The following DTNB variants were observed in gnomAD, a reference collection of about 807,000 sequenced individuals.
DTNB encodes the protein DTN-B.
DTNB carries 63 observed loss-of-function variants against 90.7 expected under a neutral mutation model. The observed-to-expected ratio is 0.69, with a 90% CI of 0.57 to 0.86. The LOEUF (loss-of-function observed/expected upper bound fraction) is 0.86, where lower values mean the gene tolerates loss of function less well. Among genes scored for constraint, DTNB ranks in the 40% least tolerant of loss-of-function variants. The probability of loss-of-function intolerance (pLI) is 0.00; values close to 1 mark genes in which losing one functional copy is unlikely to be tolerated. For synonymous variants in DTNB, 277 were observed against 286.7 expected (o/e 0.97, Z 0.34); for missense variants, 744 against 807.1 (o/e 0.92, Z 0.95).
intron 15 of DTNB, among the ~76,000 whole-genome samples, chr2:25,425,864 G>A (rs534656991): frequency 1.3e-5 from 2 of 152,328 alleles, no homozygotes; most frequent in South Asian, 4.1e-4. Flanking sequence ...GCATTCAAAT[G>A]CCAACCATGC....
At position 25,427,735 on chromosome 2, in the gene DTNB, G is replaced by T. The variant is rs1574282957; in HGVS notation, c.1458-104C>A. 13 of 1,072,484 alleles carry T rather than the reference G, an allele frequency of 1.2e-5. No homozygotes were observed. In the East Asian group the frequency reaches 3.2e-4, roughly 27 times the overall value. The allele number at this position is 1,072,484 out of a possible 1,614,324, so 66.4% of individuals were successfully genotyped here. On this transcript the variant is annotated intron_variant, in intron 14 of 20. Transcript: ENST00000406818. ...TGATCCTGCTACTTACCAGTTATGA[G>T]ACGCTGAGCAAGTCATTTAGCATCC... is the stretch of plus-strand genomic sequence containing the variant.
intron 12 of DTNB, among the ~76,000 whole-genome samples, chr2:25,436,799 A>C (rs922167088): frequency 6.6e-6 from 1 of 152,174 alleles, no homozygotes; most frequent in Non-Finnish European, 1.5e-5. Flanking sequence ...ACAGGTTTGC[A>C]ATTCCTGAAA....
chr2:25,518,212 C>G (rs2075476639), intron 9 of DTNB, among the ~76,000 whole-genome samples: 1 of 150,844 alleles, frequency 6.6e-6, no homozygotes, highest in Non-Finnish European at 1.5e-5. Context: ...TTTTTTTATC[C>G]ACAATAAAAA....
At chr2:25,572,724 C>T (rs1005835259) in intron 8 of DTNB, among the ~76,000 whole-genome samples, 2 of 151,674 alleles carry the variant, frequency 1.3e-5, no homozygotes, top group African/African-American at 4.8e-5. Context: ...AGTTCAGGCT[C>T]ATAATTTCTT....
rs376853399 is a variant in DTNB, at chr2:25,461,515, G to C, written c.1080-6021C>G. The stretch of plus-strand genomic sequence containing the variant: ...TTCAGAAATTTGTTTTTCCAAAGCA[G>C]AGTCAATAGTTTACAATTCAGATTT... On this transcript the variant is annotated intron_variant, in intron 10 of 20. Transcript: ENST00000406818. Among the ~76,000 whole-genome samples, 20 of 152,270 alleles carry C rather than the reference G, an allele frequency of 1.3e-4. 1 individual carries two copies. Among genetic ancestry groups the C allele is most frequent in the African/African-American group, 4.6e-4 (19 of 41,542 alleles).
At chr2:25,669,773 T>C (rs1256876147) in intron 1 of DTNB, among the ~76,000 whole-genome samples, 2 of 152,032 alleles carry the variant, frequency 1.3e-5, no homozygotes, top group Non-Finnish European at 2.9e-5. Context: ...CTGAGCAACA[T>C]GGCGAGACTG....
chr2:25,573,019 C>G (rs2060118870), intron 8 of DTNB, among the ~76,000 whole-genome samples: 1 of 151,842 alleles, frequency 6.6e-6, no homozygotes, highest in South Asian at 2.1e-4. Context: ...CGGCTCACTG[C>G]AACCTCAACC....
At chr2:25,455,363 T>C in intron 11 of DTNB, 42 bp downstream of exon 11, 1 of 1,536,362 alleles carries the variant, frequency 6.5e-7, no homozygotes, top group South Asian at 1.2e-5. Flanking sequence ...TCCCTCCCTC[T>C]GATCACCCGT....
chr2:25,652,767 C>T (rs1256686228), intron 1 of DTNB, 106 bp from the exon 2 acceptor site: 1 of 1,050,180 alleles, frequency 9.5e-7, no homozygotes, highest in Non-Finnish European at 1.3e-6. Flanking sequence ...TGCAAATGCA[C>T]ATTTTAAGAC....
chr2:25,505,758 G>A (rs1482473612), intron 9 of DTNB, among the ~76,000 whole-genome samples: 1 of 152,068 alleles, frequency 6.6e-6, no homozygotes, highest in East Asian at 1.9e-4. Flanking sequence ...CTTTATTTCA[G>A]TTTCATGACT....
At chr2:25,439,694 A>G (rs2056920702) in intron 12 of DTNB, among the ~76,000 whole-genome samples, 1 of 152,326 alleles carries the variant, frequency 6.6e-6, no homozygotes, top group Non-Finnish European at 1.5e-5. Flanking sequence ...TAGCTTTGCT[A>G]CTTTCTGGCT....
At chr2:25,525,986 C>T (rs1302603525) in intron 9 of DTNB, among the ~76,000 whole-genome samples, 1 of 152,154 alleles carries the variant, frequency 6.6e-6, no homozygotes, top group African/African-American at 2.4e-5. Flanking sequence ...CAGATGACTA[C>T]TCCTTTCTAG....
At chr2:25,392,022 C>T (rs984048378) in intron 16 of DTNB, among the ~76,000 whole-genome samples, 3 of 152,032 alleles carry the variant, frequency 2.0e-5, no homozygotes, top group African/African-American at 7.3e-5. Flanking sequence ...GAAACAAGAA[C>T]AATCCAAGCC....
chr2:25,527,764 A>C (rs2077442059), intron 9 of DTNB, among the ~76,000 whole-genome samples: 1 of 152,194 alleles, frequency 6.6e-6, no homozygotes, highest in Admixed American at 6.5e-5. Context: ...ACCAGTTAAA[A>C]ATCTTCCCAC....
rs977762332 is a variant in DTNB, at chr2:25,531,456, T to C, written c.1001+17A>G. The C allele has an allele frequency of 6.2e-7, 1 of 1,606,942 alleles. No homozygotes were observed. The highest frequency in any genetic ancestry group is 1.3e-5 in the African/African-American group (1 of 74,536). On this transcript the variant is annotated intron_variant, in intron 9 of 20. Coordinates refer to ENST00000406818, the MANE Select transcript of DTNB (RefSeq NM_021907.5). ...CATTTCAGTGTGATCCACATGCACA[T>C]CCAGGGGTATACTTACACTATATGT...
At chr2:25,449,439 G>A (rs1036480547) in intron 12 of DTNB, among the ~76,000 whole-genome samples, 7 of 152,256 alleles carry the variant, frequency 4.6e-5, no homozygotes, top group Non-Finnish European at 7.4e-5. Flanking sequence ...TTATAGGCCC[G>A]CCAACAACAG....
intron 9 of DTNB, among the ~76,000 whole-genome samples, chr2:25,488,679 C>G (rs1274773931): frequency 1.3e-5 from 2 of 152,144 alleles, no homozygotes; most frequent in Admixed American, 6.6e-5. Context: ...GAGATGGAGT[C>G]TCTCACTCTG....
intron 3 of DTNB, among the ~76,000 whole-genome samples, chr2:25,630,521 A>G (rs2075425586): frequency 6.6e-6 from 1 of 152,204 alleles, no homozygotes; most frequent in African/African-American, 2.4e-5. Context: ...ATATGCATAT[A>G]ATGGAATACT....
At chr2:25,482,573 C>T (rs903318602) in intron 10 of DTNB, among the ~76,000 whole-genome samples, 5 of 151,804 alleles carry the variant, frequency 3.3e-5, no homozygotes, top group Non-Finnish European at 7.4e-5. Flanking sequence ...ACCTGAGGCA[C>T]CACTGAAAGC....
Sources: gnomAD v4.1 joint callset for allele counts (sites outside exome capture counted in the v4.1 genomes callset) on GRCh38, gnomAD v4.1.1 for gene constraint, MANE v1.5 for transcripts, NCBI Gene and HGNC (gene_info 2026-07-23, HGNC 2026-07-21) for gene names.